Variants in RANBP2 observed in about 807,000 individuals in gnomAD.
RANBP2 encodes the protein RAN binding protein 2, also known as E3 SUMO-protein ligase RanBP2.
A neutral mutation model predicts 303.6 loss-of-function variants in RANBP2; 57 were observed. The ratio of observed to expected loss-of-function variants is 0.19; its 90% CI spans 0.15 to 0.23. The LOEUF (loss-of-function observed/expected upper bound fraction) is 0.23, where lower values mean the gene tolerates loss of function less well. Ranked by LOEUF, RANBP2 falls within the 10% of genes least tolerant of loss-of-function variation. The pLI, the probability that RANBP2 is intolerant of heterozygous loss-of-function variation, is 1.00. For missense variants in RANBP2, 3,138 were observed against 3,780.8 expected (o/e 0.83, Z 4.46); for synonymous variants, 1,167 against 1,301.5 (o/e 0.90, Z 2.23).
At chr2:109,172,436 A>G in the RANBP2 span, among the ~76,000 whole-genome samples, 1 of 152,226 alleles carries the variant, frequency 6.6e-6, no homozygotes, top group African/African-American at 2.4e-5. Context: ...TAAAAACATT[A>G]AAATACGTTT....
At chr2:108,819,380 C>T in the RANBP2 span, among the ~76,000 whole-genome samples, 1 of 152,152 alleles carries the variant, frequency 6.6e-6, no homozygotes, top group African/African-American at 2.4e-5. Context: ...AATATTTTGG[C>T]TTATCCAAAG....
chr2:109,526,811 C>A, the RANBP2 span, among the ~76,000 whole-genome samples: 1 of 152,156 alleles, frequency 6.6e-6, no homozygotes, highest in Non-Finnish European at 1.5e-5. Flanking sequence ...CTGGTGAATT[C>A]CTATTCAACC....
chr2:108,854,222 T>TA, the RANBP2 span, among the ~76,000 whole-genome samples: 1 of 150,136 alleles, frequency 6.7e-6, no homozygotes, highest in African/African-American at 2.5e-5. Flanking sequence ...ATTGTGAGCT[T>TA]ATACTTTAGG....
chr2:109,714,526 T>C, the RANBP2 span, among the ~76,000 whole-genome samples: 1 of 152,156 alleles, frequency 6.6e-6, no homozygotes, highest in Non-Finnish European at 1.5e-5. Context: ...GGTCTTGTTC[T>C]CTTGACCTCG....
At chr2:108,935,019 G>A in the RANBP2 span, among the ~76,000 whole-genome samples, 1 of 152,202 alleles carries the variant, frequency 6.6e-6, no homozygotes. Context: ...CACTCTTTTG[G>A]AGTCAAGCGT....
chr2:109,128,381 G>C, the RANBP2 span: 3 of 152,174 alleles, frequency 2.0e-5, no homozygotes, highest in Non-Finnish European at 4.4e-5. Context: ...CCCTCGCACA[G>C]CGTCGCCAAG....
At chr2:109,372,706 G>T in the RANBP2 span, among the ~76,000 whole-genome samples, 46 of 152,274 alleles carry the variant, frequency 3.0e-4, no homozygotes, top group South Asian at 8.9e-3. Flanking sequence ...TCACTCTCCT[G>T]CTCTCACACC....
the RANBP2 span, among the ~76,000 whole-genome samples, chr2:109,491,530 C>G: frequency 6.6e-6 from 1 of 152,064 alleles, no homozygotes; most frequent in African/African-American, 2.4e-5. Context: ...AGGTTTTTAC[C>G]GATCTGGAAA....
At chr2:109,210,025 G>T in the RANBP2 span, among the ~76,000 whole-genome samples, 3 of 152,200 alleles carry the variant, frequency 2.0e-5, no homozygotes, top group African/African-American at 7.2e-5. Flanking sequence ...CTCTGTGAAT[G>T]ACTATTCTAG....
the RANBP2 span, among the ~76,000 whole-genome samples, chr2:109,050,150 A>T: frequency 6.6e-6 from 1 of 152,226 alleles, no homozygotes; most frequent in Non-Finnish European, 1.5e-5. Context: ...AAAAAACTGT[A>T]TAATATCTCA....
chr2:109,684,137 T>C, the RANBP2 span, among the ~76,000 whole-genome samples: 1 of 152,134 alleles, frequency 6.6e-6, no homozygotes, highest in Non-Finnish European at 1.5e-5. Context: ...AAATGGGGTT[T>C]TACCATGTTG....
intron 7 of RANBP2, among the ~76,000 whole-genome samples, chr2:108,745,901 CTT>C (rs71381988): frequency 1.4e-5 from 2 of 140,668 alleles, no homozygotes; most frequent in African/African-American, 2.7e-5. Flanking sequence ...TCTGTGTATG[CTT>C]TTTTTTTTTT....
At chr2:109,305,072 T>G in the RANBP2 span, among the ~76,000 whole-genome samples, 7 of 152,202 alleles carry the variant, frequency 4.6e-5, no homozygotes, top group African/African-American at 1.7e-4. Flanking sequence ...TGAATGTTAT[T>G]TGGGTCCATG....
the RANBP2 span, chr2:109,553,067 C>T: frequency 1.2e-6 from 2 of 1,606,708 alleles, no homozygotes; most frequent in South Asian, 1.1e-5. Context: ...ATGCAAATCA[C>T]ATCAAACCAG....
chr2:108,903,635 C>T, the RANBP2 span, among the ~76,000 whole-genome samples: 1 of 152,016 alleles, frequency 6.6e-6, no homozygotes, highest in Non-Finnish European at 1.5e-5. Flanking sequence ...GTTTGAAAAG[C>T]AATTCAATGG....
the RANBP2 span, among the ~76,000 whole-genome samples, chr2:109,135,398 C>T: frequency 5.6e-4 from 86 of 152,276 alleles, no homozygotes; most frequent in African/African-American, 1.9e-3. Flanking sequence ...CCATCTGCCC[C>T]GGGGCAAATG....
the RANBP2 span, chr2:108,940,316 G>C: frequency 6.6e-6 from 1 of 152,366 alleles, no homozygotes; most frequent in African/African-American, 2.4e-5. Context: ...TCCCAGGATG[G>C]CTCGGATGGT....
chr2:108,820,050 T>A, the RANBP2 span, among the ~76,000 whole-genome samples: 1 of 152,114 alleles, frequency 6.6e-6, no homozygotes, highest in African/African-American at 2.4e-5. Context: ...ATCTGAACTA[T>A]AAAAGTCAAC....
At chr2:108,825,244 T>A in the RANBP2 span, among the ~76,000 whole-genome samples, 19 of 149,316 alleles carry the variant, frequency 1.3e-4, no homozygotes, top group Admixed American at 4.1e-4. Context: ...CAGGCCTGAT[T>A]ATATCTTGTT....
Sources: gnomAD v4.1 joint callset for allele counts (sites outside exome capture counted in the v4.1 genomes callset) on GRCh38, gnomAD v4.1.1 for gene constraint, MANE v1.5 for transcripts, NCBI Gene and HGNC (gene_info 2026-07-23, HGNC 2026-07-21) for gene names.